Variants in MATN2 observed in about 807,000 individuals in gnomAD.
MATN2 encodes matrilin 2.
A neutral mutation model predicts 103.2 loss-of-function variants in MATN2; 69 were observed. That is an observed-to-expected ratio of 0.67 (90% CI 0.55 to 0.82). The LOEUF is 0.82. Ranked by LOEUF, MATN2 falls within the 40% of genes least tolerant of loss-of-function variation. MATN2 has a pLI of 0.00. For missense variants in MATN2, 1,023 were observed against 1,211.5 expected (o/e 0.84, Z 2.31); for synonymous variants, 429 against 450.2 (o/e 0.95, Z 0.60).
intron 2 of MATN2, among the ~76,000 whole-genome samples, chr8:97,928,668 C>G (rs75797529): frequency 1.1e-4 from 17 of 152,282 alleles, no homozygotes; most frequent in African/African-American, 4.1e-4. Flanking sequence ...AACCCTGCCC[C>G]TACCCAGCCT....
chr8:97,920,480 T>C (rs941964101), intron 2 of MATN2, among the ~76,000 whole-genome samples: 4 of 152,218 alleles, frequency 2.6e-5, no homozygotes, highest in Non-Finnish European at 5.9e-5. Flanking sequence ...AGTGCTGAGA[T>C]TATAGGCGTG....
intron 1 of MATN2, among the ~76,000 whole-genome samples, chr8:97,887,049 A>G (rs921224809): frequency 2.0e-5 from 3 of 151,660 alleles, no homozygotes; most frequent in Non-Finnish European, 2.9e-5. Flanking sequence ...GAGCCACCAC[A>G]CCTGGCTAAT....
intron 3 of MATN2, among the ~76,000 whole-genome samples, chr8:97,934,869 C>A (rs35968422): frequency 0.044 from 6,666 of 152,252 alleles, 205 homozygotes; most frequent in South Asian, 0.06. Flanking sequence ...TTATCTGTAG[C>A]TATCTGCTTA....
At chr8:97,920,943 G>A (rs907849802) in intron 2 of MATN2, among the ~76,000 whole-genome samples, 4 of 152,180 alleles carry the variant, frequency 2.6e-5, no homozygotes, top group African/African-American at 4.8e-5. Context: ...CTGGGGACAT[G>A]GGGGTGACAT....
intron 14 of MATN2, among the ~76,000 whole-genome samples, chr8:98,028,752 A>G (rs1813904903): frequency 6.6e-6 from 1 of 151,938 alleles, no homozygotes. Context: ...ACGCCCAGCT[A>G]ATTTTTTTGT....
At chr8:97,902,675 A>T (rs1819029375) in intron 2 of MATN2, among the ~76,000 whole-genome samples, 1 of 152,006 alleles carries the variant, frequency 6.6e-6, no homozygotes. Context: ...CTCCGATAAC[A>T]CCTGGCTTTT....
chr8:98,030,288 C>A (rs772977593), intron 14 of MATN2, among the ~76,000 whole-genome samples, 174 bp from the exon 15 acceptor site: 17 of 152,140 alleles, frequency 1.1e-4, no homozygotes, highest in Non-Finnish European at 2.2e-4. Context: ...GGATCCCTCC[C>A]TTTTGTTCAT....
chr8:98,034,810 C>A (rs1439049574), intron 18 of MATN2, among the ~76,000 whole-genome samples: 1 of 151,830 alleles, frequency 6.6e-6, no homozygotes, highest in Non-Finnish European at 1.5e-5. Context: ...CGAATTCTTT[C>A]ATTGTCTTCT....
chr8:97,950,205 C>T (rs749294772), intron 4 of MATN2, among the ~76,000 whole-genome samples: 3 of 152,292 alleles, frequency 2.0e-5, no homozygotes, highest in African/African-American at 4.8e-5. Flanking sequence ...AACAAGGTTT[C>T]GGAAGTAAGT....
intron 5 of MATN2, among the ~76,000 whole-genome samples, chr8:97,971,735 G>A (rs1052045609): frequency 2.0e-5 from 3 of 152,114 alleles, no homozygotes; most frequent in African/African-American, 7.2e-5. Flanking sequence ...GTAAACCCTT[G>A]AGGGCAAAAC....
rs1313435644 is a variant in MATN2, at chr8:98,027,512, G to A, written c.2039G>A (p.Gly680Glu). 6.2e-7 allele frequency: 1 copy of A among 1,613,760 alleles called. No individual in the cohort carries two copies. Reference sequence around the variant, plus strand: ...GAGGTCGTGAAGCAGTTTGTCACTGGAATTATAGATTCCTTGACAATTTCC... The same window carrying A: ...GAGGTCGTGAAGCAGTTTGTCACTGAAATTATAGATTCCTTGACAATTTCC... ...NFEVVKQFVT[G>E]IIDSLTISPK... The change falls in exon 14 of 19, where the codon GGA (glycine) becomes GAA (glutamate). Residue 680 changes from glycine (G) to glutamate (E), a missense_variant. By Grantham distance (98) the Gly-to-Glu change is moderately conservative. Transcript: ENST00000254898.
chr8:97,907,283 G>A (rs1280967471), intron 2 of MATN2, among the ~76,000 whole-genome samples: 2 of 149,092 alleles, frequency 1.3e-5, no homozygotes, highest in Non-Finnish European at 3.0e-5. Context: ...TTACAGAAGT[G>A]AGCCACCATG....
intron 2 of MATN2, among the ~76,000 whole-genome samples, chr8:97,898,334 G>GC (rs1417241287): frequency 2.0e-5 from 3 of 152,114 alleles, no homozygotes; most frequent in Non-Finnish European, 2.9e-5. Context: ...GGTGGCTCAT[G>GC]CCTGTAATCC....
chr8:97,878,556 A>G (rs1041349259), intron 1 of MATN2, among the ~76,000 whole-genome samples: 2 of 152,094 alleles, frequency 1.3e-5, no homozygotes, highest in African/African-American at 4.8e-5. Flanking sequence ...AAAAAAAAAA[A>G]AAGAAGAAGA....
intron 3 of MATN2, among the ~76,000 whole-genome samples, chr8:97,932,662 G>A (rs971190790): frequency 9.9e-5 from 15 of 151,892 alleles, no homozygotes; most frequent in Non-Finnish European, 1.8e-4. Flanking sequence ...CTGCCTCTGC[G>A]GCTGCCTTTT....
At chr8:97,969,501 A>G (rs184579756) in intron 5 of MATN2, among the ~76,000 whole-genome samples, 1 of 152,306 alleles carries the variant, frequency 6.6e-6, no homozygotes, top group Non-Finnish European at 1.5e-5. Flanking sequence ...TCCTGTATAT[A>G]GTGAAGTATG....
intron 2 of MATN2, among the ~76,000 whole-genome samples, chr8:97,888,667 C>T (rs921253027): frequency 6.6e-6 from 1 of 152,016 alleles, no homozygotes; most frequent in Non-Finnish European, 1.5e-5. Context: ...TGAACTGAAT[C>T]GAGGTATTAG....
At chr8:97,959,618 T>G (rs943843867) in intron 4 of MATN2, among the ~76,000 whole-genome samples, 5 of 152,202 alleles carry the variant, frequency 3.3e-5, no homozygotes, top group African/African-American at 1.2e-4. Flanking sequence ...ATAAGGCTTT[T>G]TTTTCCATCT....
At position 97,961,451 on chromosome 8, in the gene MATN2, C is replaced by G. The variant is rs1412193454; in HGVS notation, c.879C>G (p.Leu293=). ...CAMEDHNCEQ[L]CVNVPGSFVC... ...TGGAGGACCACAACTGTGAGCAGCT[C>G]TGTGTGAATGTGCCGGGCTCCTTCG... The change falls in exon 5 of 19, where the codon CTC becomes CTG. Residue 293 remains leucine, a synonymous_variant. Coordinates refer to ENST00000254898, the MANE Select transcript of MATN2 (RefSeq NM_002380.5). The G allele has an allele frequency of 6.2e-7, 1 of 1,613,842 alleles. No homozygotes were observed. The highest frequency in any genetic ancestry group is 8.5e-7 in the Non-Finnish European group (1 of 1,179,810).
Sources: gnomAD v4.1 joint callset for allele counts (sites outside exome capture counted in the v4.1 genomes callset) on GRCh38, gnomAD v4.1.1 for gene constraint, MANE v1.5 for transcripts, NCBI Gene and HGNC (gene_info 2026-07-23, HGNC 2026-07-21) for gene names.